The following INPP5A variants were observed in gnomAD, a reference collection of about 807,000 sequenced individuals.
INPP5A encodes inositol polyphosphate-5-phosphatase A, also known as 43 kDa inositol polyphosphate 5-phophatase.
In INPP5A, 14 loss-of-function variants were observed where a neutral mutation model predicts 65.2. That is an observed-to-expected ratio of 0.21 (90% confidence interval 0.14 to 0.34). The LOEUF (loss-of-function observed/expected upper bound fraction) is 0.34. Ranked by LOEUF, INPP5A falls within the 10% of genes least tolerant of loss-of-function variation. INPP5A has a pLI of 1.00. For missense variants in INPP5A, 431 were observed against 545.6 expected (o/e 0.79, Z 2.09); for synonymous variants, 207 against 208.3 (o/e 0.99, Z 0.05).
intron 5 of INPP5A, among the ~76,000 whole-genome samples, chr10:132,693,244 T>C (rs1310677381): frequency 6.6e-6 from 1 of 152,136 alleles, no homozygotes; most frequent in African/African-American, 2.4e-5. Flanking sequence ...AGATAAAGAA[T>C]GGGAGACCCC....
Position 132,606,458 on chromosome 10 carries a change from C to T in INPP5A, c.76-1457C>T, listed in dbSNP as rs923016583. Among the ~76,000 whole-genome samples the T allele has an allele frequency of 5.3e-5, 8 of 152,188 alleles. No individual in the cohort carries two copies. The East Asian group carries it at 1.3e-3, about 26-fold the overall frequency. ...TGGGGGTGCTCAGAGCCGCAGTGGG[C>T]GATTCTCTCCCTTCGCGTGTGTGTG... On this transcript the variant is annotated intron_variant, in intron 1 of 15. Transcript: ENST00000368594.
intron 8 of INPP5A, among the ~76,000 whole-genome samples, chr10:132,723,726 C>T (rs1397756097): frequency 1.3e-5 from 2 of 152,052 alleles, no homozygotes; most frequent in African/African-American, 4.8e-5. Context: ...GTGGTCTCGC[C>T]TACACCTGGG....
intron 4 of INPP5A, among the ~76,000 whole-genome samples, chr10:132,660,920 T>C (rs1239721021): frequency 2.6e-5 from 4 of 152,200 alleles, no homozygotes; most frequent in African/African-American, 9.7e-5. Flanking sequence ...TTTTTGACTC[T>C]GATTCCTTTA....
intron 1 of INPP5A, among the ~76,000 whole-genome samples, chr10:132,574,923 C>T (rs984879995): frequency 1.8e-4 from 28 of 152,022 alleles, no homozygotes; most frequent in Admixed American, 5.2e-4. Flanking sequence ...GGCCTTGGGG[C>T]GTGAGGCAGC....
At chr10:132,646,013 T>C (rs1205082419) in intron 3 of INPP5A, 45 bp downstream of exon 3, 2 of 1,377,122 alleles carry the variant, frequency 1.5e-6, no homozygotes, top group South Asian at 1.2e-5. Context: ...TTCCCAGGGG[T>C]GTGGGGTGCC....
intron 1 of INPP5A, among the ~76,000 whole-genome samples, chr10:132,580,273 G>A (rs868117600): frequency 3.9e-5 from 6 of 152,190 alleles, no homozygotes; most frequent in Admixed American, 6.5e-5. Flanking sequence ...GGAGGTGATT[G>A]GATCCTGGGG....
chr10:132,589,196 G>T (rs2071586662), intron 1 of INPP5A, among the ~76,000 whole-genome samples: 1 of 152,260 alleles, frequency 6.6e-6, no homozygotes, highest in South Asian at 2.1e-4. Flanking sequence ...AAGCCCACTA[G>T]TCCTTCTGAC....
At chr10:132,655,312 C>T (rs1404288518) in intron 4 of INPP5A, among the ~76,000 whole-genome samples, 2 of 152,206 alleles carry the variant, frequency 1.3e-5, no homozygotes, top group South Asian at 2.1e-4. Flanking sequence ...GAGCTAGCCC[C>T]GCCGTGGAGG....
At chr10:132,778,547 C>T (rs760626949) in intron 13 of INPP5A, among the ~76,000 whole-genome samples, 3 of 152,010 alleles carry the variant, frequency 2.0e-5, no homozygotes, top group Non-Finnish European at 2.9e-5. Flanking sequence ...TTGTCAACCC[C>T]GTGAATGAAA....
At chr10:132,585,343 A>G (rs771838844) in intron 1 of INPP5A, among the ~76,000 whole-genome samples, 3 of 152,266 alleles carry the variant, frequency 2.0e-5, no homozygotes, top group Non-Finnish European at 2.9e-5. Context: ...ACTAGGTAAG[A>G]TATTTTGAGA....
chr10:132,721,305 TG>T (rs1845873874), intron 8 of INPP5A, among the ~76,000 whole-genome samples: 1 of 150,994 alleles, frequency 6.6e-6, no homozygotes, highest in South Asian at 2.1e-4. Context: ...GGGTTCTGTC[TG>T]GGCGCCTTAG....
At chr10:132,715,842 G>C (rs1393698900) in intron 8 of INPP5A, among the ~76,000 whole-genome samples, 1 of 152,206 alleles carries the variant, frequency 6.6e-6, no homozygotes, top group African/African-American at 2.4e-5. Flanking sequence ...CAGACTCGGA[G>C]ACCTCAGGGT....
At chr10:132,781,248 A>G (rs1418176328) in intron 14 of INPP5A, among the ~76,000 whole-genome samples, 3 of 152,236 alleles carry the variant, frequency 2.0e-5, no homozygotes, top group South Asian at 2.1e-4. Flanking sequence ...TGTTTTGCAA[A>G]TATGCAGCTT....
intron 4 of INPP5A, among the ~76,000 whole-genome samples, chr10:132,656,407 G>T (rs1350801614): frequency 2.6e-5 from 4 of 152,242 alleles, no homozygotes; most frequent in Admixed American, 6.5e-5. Context: ...AGAAGGTGTG[G>T]CCTGGCGGAC....
At chr10:132,768,362 C>T (rs557400932) in intron 12 of INPP5A, among the ~76,000 whole-genome samples, 11 of 149,366 alleles carry the variant, frequency 7.4e-5, no homozygotes, top group Non-Finnish European at 1.2e-4. Flanking sequence ...CGACCCTCAG[C>T]GTTCCCAGGT....
At chr10:132,669,099 A>G (rs2072846720) in intron 4 of INPP5A, among the ~76,000 whole-genome samples, 1 of 152,068 alleles carries the variant, frequency 6.6e-6, no homozygotes, top group South Asian at 2.1e-4. Context: ...TAAAAATACA[A>G]AAAATTAGCC....
At chr10:132,685,196 G>A (rs577377217) in intron 4 of INPP5A, among the ~76,000 whole-genome samples, 4 of 152,248 alleles carry the variant, frequency 2.6e-5, no homozygotes, top group African/African-American at 9.6e-5. Flanking sequence ...GTCGGCCTTA[G>A]TCAGGGCTCC....
At position 132,587,195 on chromosome 10, in the gene INPP5A, T is replaced by C. The variant is rs1282360506; in HGVS notation, c.76-20720T>C. 6.6e-6 allele frequency among the ~76,000 whole-genome samples: 1 copy of C among 152,204 alleles called. No individual in the cohort carries two copies. The highest frequency in any genetic ancestry group is 2.4e-5 in the African/African-American group (1 of 41,448). ...TGTGAAAACAGTAGGCAATGAACAG[T>C]GTCCACAGAACTCAGAGGGCGGACA... On this transcript the variant is annotated intron_variant, in intron 1 of 15. Transcript: ENST00000368594. The surrounding 1 kb of genome is among the most constrained non-coding windows in gnomAD (Gnocchi z 4.3).
chr10:132,542,381 G>A (rs1271917630), intron 1 of INPP5A, among the ~76,000 whole-genome samples: 4 of 152,230 alleles, frequency 2.6e-5, no homozygotes, highest in Non-Finnish European at 5.9e-5. Context: ...AGGTGGCGGA[G>A]CTGCTGTGGG....
Sources: gnomAD v4.1 joint callset for allele counts (sites outside exome capture counted in the v4.1 genomes callset) on GRCh38, gnomAD v4.1.1 for gene constraint, Gnocchi (gnomAD v3.1) non-coding constraint, MANE v1.5 for transcripts, NCBI Gene and HGNC (gene_info 2026-07-23, HGNC 2026-07-21) for gene names.